The following SLC19A1 variants were observed in gnomAD, a reference collection of about 807,000 sequenced individuals.
The protein encoded by SLC19A1 is solute carrier family 19 member 1.
A neutral mutation model predicts 35.3 loss-of-function variants in SLC19A1; 37 were observed. The observed-to-expected ratio is 1.05, with a 90% CI of 0.81 to 1.38. The LOEUF (loss-of-function observed/expected upper bound fraction) is 1.38. SLC19A1 is among the 40% of genes most tolerant of loss of function. The probability of loss-of-function intolerance (pLI) is 0.00; values close to 1 mark genes in which losing one functional copy is unlikely to be tolerated. For synonymous variants in SLC19A1, 460 were observed against 398.5 expected (o/e 1.15, Z -1.84); for missense variants, 831 against 826.9 (o/e 1.00, Z -0.06).
chr21:45,504,047 A>C, intron 3 of SLC19A1: 1 of 1,613,658 alleles, frequency 6.2e-7, no homozygotes, highest in Non-Finnish European at 8.5e-7. Flanking sequence ...TTGGAGGCTG[A>C]AATGAAGGTG....
chr21:45,515,084 C>CA lies in SLC19A1; in HGVS notation c.*573dup. Reference sequence around the variant, plus strand: ...CAGAGCCGCTGCTCCCCTCTGATGACAATGTGTCTGCCGCCAACCTGAGAT... The same window carrying CA: ...CAGAGCCGCTGCTCCCCTCTGATGACAAATGTGTCTGCCGCCAACCTGAGAT... On this transcript the variant is annotated 3_prime_UTR_variant, in exon 6 of 6. Coordinates refer to ENST00000311124, the MANE Select transcript of SLC19A1 (RefSeq NM_194255.4). The CA allele has an allele frequency of 6.5e-7, 1 of 1,546,740 alleles. No homozygotes were observed. Among genetic ancestry groups the CA allele is most frequent in the Non-Finnish European group, 8.7e-7 (1 of 1,145,746 alleles).
At chr21:45,548,398 C>T (rs1569027088), upstream of SLC19A1, among the ~76,000 whole-genome samples, 1 of 152,238 alleles carries the variant, frequency 6.6e-6, no homozygotes, top group Non-Finnish European at 1.5e-5. Context: ...TGTATCCAGA[C>T]ACGTAAGTGA....
intron 3 of SLC19A1, chr21:45,505,744 C>A: frequency 9.4e-7 from 1 of 1,065,224 alleles, no homozygotes; most frequent in Non-Finnish European, 1.4e-6. Context: ...CCCTGCGGCC[C>A]CTGCCCAGCA....
Position 45,514,949 on chromosome 21 carries a change from G to A in SLC19A1, c.*709C>T, listed in dbSNP as rs1431528317. 14 of 1,459,252 alleles carry A rather than the reference G, an allele frequency of 9.6e-6. No homozygotes were observed. Among genetic ancestry groups the A allele is most frequent in the Non-Finnish European group, 1.3e-5 (14 of 1,101,786 alleles). 90.4% of individuals were successfully genotyped at this position (1,459,252 alleles called of 1,614,324 possible). On this transcript the variant is annotated 3_prime_UTR_variant, in exon 6 of 6. Transcript: ENST00000311124. ...ACCAGTCCCCTCCGGGCTGGCACAA[G>A]TGTGGGAGCAGCTGAGGACCCGCAG...
intron 1 of SLC19A1, among the ~76,000 whole-genome samples, chr21:45,562,366 A>G (rs1022718145): frequency 1.3e-5 from 2 of 152,214 alleles, no homozygotes; most frequent in African/African-American, 2.4e-5. Flanking sequence ...AACATTTGTG[A>G]CTGTCTCTGG....
Position 45,514,006 on chromosome 21 carries a change from G to T in SLC19A1, c.*1652C>A. On this transcript the variant is annotated 3_prime_UTR_variant, in exon 6 of 6. Coordinates refer to ENST00000311124, the MANE Select transcript of SLC19A1 (RefSeq NM_194255.4). ...CACAGCAGGACCTGACTTGCTCCCA[G>T]CAACACTACATCCTGACAGCCATCC... 1 of 152,498 alleles carries T rather than the reference G, an allele frequency of 6.6e-6. No homozygotes were observed. Among genetic ancestry groups the T allele is most frequent in the Non-Finnish European group, 1.5e-5 (1 of 68,154 alleles). 9.4% of individuals were successfully genotyped at this position (152,498 alleles called of 1,614,324 possible). A position where few individuals can be genotyped will look rare whatever the true frequency, so the allele number is the denominator to read the frequency against.
Position 45,534,406 on chromosome 21 carries a change from C to A in SLC19A1, c.190-2258G>T. The A allele has an allele frequency of 1.4e-6, 1 of 732,226 alleles. No individual in the cohort carries two copies. Among genetic ancestry groups the A allele is most frequent in the Admixed American group, 2.5e-5 (1 of 39,242 alleles). 45.4% of individuals were successfully genotyped at this position (732,226 alleles called of 1,614,324 possible). ...AGGCTGCGTGGGGGCATGACAGCCC[C>A]AGCCCCTGGCCGGGGCACAGGTTCT... On this transcript the variant is annotated intron_variant, in intron 2 of 5. Coordinates refer to ENST00000311124, the MANE Select transcript of SLC19A1 (RefSeq NM_194255.4). The surrounding 1 kb of genome is among the most constrained non-coding windows in gnomAD (Gnocchi z 4.2).
At chr21:45,529,309 C>A (rs112288885) in intron 4 of SLC19A1, among the ~76,000 whole-genome samples, 58 of 152,302 alleles carry the variant, frequency 3.8e-4, no homozygotes, top group African/African-American at 1.3e-3. Flanking sequence ...CACAGAGGGC[C>A]CAATGCAAGG....
At chr21:45,546,663 T>C (rs1219207128), upstream of SLC19A1, among the ~76,000 whole-genome samples, 1 of 152,262 alleles carries the variant, frequency 6.6e-6, no homozygotes, top group Non-Finnish European at 1.5e-5. Context: ...TAATGTCATC[T>C]AACGAAAGAG....
downstream of SLC19A1, chr21:45,510,388 G>A (rs2037508148): frequency 1.8e-6 from 2 of 1,107,042 alleles, no homozygotes; most frequent in South Asian, 1.3e-5. Context: ...TGGCGCCTAG[G>A]CTGGCGACTT....
At chr21:45,518,551 A>G (rs2038079341) in intron 5 of SLC19A1, among the ~76,000 whole-genome samples, 1 of 152,208 alleles carries the variant, frequency 6.6e-6, no homozygotes, top group Non-Finnish European at 1.5e-5. Flanking sequence ...TCACACCAAC[A>G]CATACCATAT....
At chr21:45,562,297 CACG>C (rs2078623269) in intron 1 of SLC19A1, among the ~76,000 whole-genome samples, 1 of 152,170 alleles carries the variant, frequency 6.6e-6, no homozygotes, top group Admixed American at 6.5e-5. Context: ...ATCACACTGA[CACG>C]ACACCACACG....
At chr21:45,554,991 C>G (rs2078528975) in intron 1 of SLC19A1, among the ~76,000 whole-genome samples, 1 of 151,302 alleles carries the variant, frequency 6.6e-6, no homozygotes, top group South Asian at 2.1e-4. Context: ...AACCCCGCGC[C>G]CAGGAGCACG....
In SLC19A1 at chr21:45,540,369, C is replaced by G. The variant is rs892233615; in HGVS notation, c.-50+1999G>C. On this transcript the variant is annotated intron_variant, in intron 1 of 5. Transcript: ENST00000311124. This position sits in a 1 kb window ranked among gnomAD's most constrained non-coding sequence, Gnocchi z 5.5. ...AGGGTCTGCGCCCACAGTCCATGGCCGCAGGAGTCAGATCCCCACCCACAG... is the reference window on the plus strand; with the variant it reads ...AGGGTCTGCGCCCACAGTCCATGGCGGCAGGAGTCAGATCCCCACCCACAG... Among the ~76,000 whole-genome samples the G allele has an allele frequency of 6.6e-6, 1 of 152,142 alleles. No individual in the cohort carries two copies. The highest frequency in any genetic ancestry group is 1.9e-4 in the East Asian group (1 of 5,178).
rs1192554844 is a variant in SLC19A1, at chr21:45,506,145, G to A, written c.498-7533C>T. 4.3e-6 allele frequency: 4 copies of A among 939,582 alleles called. No homozygotes were observed. The Admixed American group carries it at 6.7e-5, about 16-fold the overall frequency. 58.2% of individuals were successfully genotyped at this position (939,582 alleles called of 1,614,324 possible). A position where few individuals can be genotyped will look rare whatever the true frequency, so the allele number is the denominator to read the frequency against. ...AAAATACTTTTGTGAGCAGTTTTGG[G>A]TTTAAAGAAAAGTGAGCTCAAGCTT... On this transcript the variant is annotated intron_variant, in intron 3 of 4. Transcript: ENST00000417954.
intron 1 of SLC19A1, among the ~76,000 whole-genome samples, chr21:45,553,363 T>G (rs1341028144): frequency 6.6e-6 from 1 of 151,430 alleles, no homozygotes; most frequent in Non-Finnish European, 1.5e-5. Context: ...CGGGATAAAG[T>G]CCAGAGGAGC....
chr21:45,517,227 C>T lies in SLC19A1; in HGVS notation c.1294-1087G>A, dbSNP rs1268215813. 6.6e-6 allele frequency among the ~76,000 whole-genome samples: 1 copy of T among 152,154 alleles called. No individual in the cohort carries two copies. The highest frequency in any genetic ancestry group is 1.5e-5 in the Non-Finnish European group (1 of 68,012). On this transcript the variant is annotated intron_variant, in intron 5 of 5. Transcript: ENST00000311124. This position sits in a 1 kb window ranked among gnomAD's most constrained non-coding sequence, Gnocchi z 4.4. ...AAGACAACAGATGCAGAAAAAAGAG[C>T]CCATGGAAGCAGCTCTCTCTGGCCT...
chr21:45,537,997 G>A lies in SLC19A1; in HGVS notation c.-38C>T. 4 of 1,452,664 alleles carry A rather than the reference G, an allele frequency of 2.8e-6. No individual in the cohort carries two copies. The highest frequency in any genetic ancestry group is 1.4e-5 in the South Asian group (1 of 73,976). The allele number at this position is 1,452,664 out of a possible 1,614,324, so 90.0% of individuals were successfully genotyped here. A position where few individuals can be genotyped will look rare whatever the true frequency, so the allele number is the denominator to read the frequency against. On this transcript the variant is annotated 5_prime_UTR_variant, in exon 2 of 6. Transcript: ENST00000311124. Reference sequence around the variant, plus strand: ...ACGTGCAGCTCCGGAGGGGACGAAGGTGACGCTGTGCCTGGAAGGAGGGGT... The same window carrying A: ...ACGTGCAGCTCCGGAGGGGACGAAGATGACGCTGTGCCTGGAAGGAGGGGT...
At chr21:45,510,269 A>G (rs903567617), downstream of SLC19A1, 1 of 1,599,616 alleles carries the variant, frequency 6.3e-7, no homozygotes, top group South Asian at 1.1e-5. Flanking sequence ...AAGGTGGGTC[A>G]GTCCAGTCCT....
Sources: gnomAD v4.1 joint callset for allele counts (sites outside exome capture counted in the v4.1 genomes callset) on GRCh38, gnomAD v4.1.1 for gene constraint, Gnocchi (gnomAD v3.1) non-coding constraint, MANE v1.5 for transcripts, NCBI Gene and HGNC (gene_info 2026-07-23, HGNC 2026-07-21) for gene names.